TRPC4: variants seen among roughly 807,000 people sequenced by gnomAD.
The protein encoded by TRPC4 is transient receptor potential cation channel subfamily C member 4.
TRPC4 carries 49 observed loss-of-function variants against 99.4 expected under a neutral mutation model. That is an observed-to-expected ratio of 0.49 (90% CI 0.39 to 0.63). TRPC4 has a LOEUF of 0.63. Among genes scored for constraint, TRPC4 ranks in the 20% least tolerant of loss-of-function variants. TRPC4 has a pLI of 0.00. For synonymous variants in TRPC4, 454 were observed against 425.9 expected (o/e 1.07, Z -0.81); for missense variants, 898 against 1,152.9 (o/e 0.78, Z 3.20).
chr13:37,803,444 A>G (rs1189154158), intron 1 of TRPC4, among the ~76,000 whole-genome samples: 3 of 152,098 alleles, frequency 2.0e-5, no homozygotes, highest in Non-Finnish European at 4.4e-5. Context: ...GCACACACAC[A>G]TCCTTACACA....
rs751765540 is a variant in TRPC4, at chr13:37,637,353, C to A, written c.2484G>T (p.Pro828=). ...SNGSALVVQE[P]PREKQRKVNF... is the part of the protein sequence containing the mutation. ...TCACTTTTCTCTGCTTCTCCCTGGG[C>A]GGCTCCTGAACCACCAGGGCAGAGC... The change falls in exon 11 of 11, where the codon CCG becomes CCT. Residue 828 remains proline, a synonymous_variant. Transcript: ENST00000379705. 1.9e-6 allele frequency: 3 copies of A among 1,613,600 alleles called. No homozygotes were observed. The highest frequency in any genetic ancestry group is 2.5e-6 in the Non-Finnish European group (3 of 1,179,862).
chr13:37,862,190 G>A (rs560617675), intron 1 of TRPC4, among the ~76,000 whole-genome samples: 1 of 151,424 alleles, frequency 6.6e-6, no homozygotes, highest in African/African-American at 2.4e-5. Flanking sequence ...TAGAGAAAGG[G>A]GTAGGGTGGT....
chr13:37,812,468 T>C (rs915410603), intron 1 of TRPC4, among the ~76,000 whole-genome samples: 1 of 152,046 alleles, frequency 6.6e-6, no homozygotes. Flanking sequence ...TTATTAATGA[T>C]AACTACAGTA....
At chr13:37,656,934 C>T (rs896903117) in intron 6 of TRPC4, among the ~76,000 whole-genome samples, 1 of 152,136 alleles carries the variant, frequency 6.6e-6, no homozygotes, top group African/African-American at 2.4e-5. Flanking sequence ...AAAGATAAAC[C>T]CTTACTCAGA....
intron 2 of TRPC4, among the ~76,000 whole-genome samples, chr13:37,779,233 G>A (rs957714823): frequency 6.6e-6 from 1 of 151,944 alleles, no homozygotes; most frequent in African/African-American, 2.4e-5. Flanking sequence ...CCAATCAATG[G>A]ACTGAAATGA....
intron 3 of TRPC4, among the ~76,000 whole-genome samples, chr13:37,723,242 C>T (rs941029070): frequency 5.3e-5 from 8 of 151,974 alleles, no homozygotes; most frequent in African/African-American, 9.7e-5. Context: ...AAATGTTGTA[C>T]GCCCAGACAA....
At chr13:37,738,705 T>C (rs1034325119) in intron 3 of TRPC4, among the ~76,000 whole-genome samples, 1 of 152,162 alleles carries the variant, frequency 6.6e-6, no homozygotes, top group African/African-American at 2.4e-5. Flanking sequence ...AGATGCCTGA[T>C]ATAAAGGCCT....
intron 8 of TRPC4, among the ~76,000 whole-genome samples, chr13:37,646,679 G>A (rs1446076524): frequency 6.6e-6 from 1 of 152,224 alleles, no homozygotes; most frequent in Non-Finnish European, 1.5e-5. Flanking sequence ...GGAAATGCTT[G>A]TTAAAATGGA....
At chr13:37,759,136 A>G (rs1402041380) in intron 2 of TRPC4, among the ~76,000 whole-genome samples, 1 of 151,786 alleles carries the variant, frequency 6.6e-6, no homozygotes, top group Non-Finnish European at 1.5e-5. Context: ...TTGATTATGT[A>G]TTTAAAGTTT....
Position 37,869,749 on chromosome 13 carries a change from A to C in TRPC4, c.-182T>G, listed in dbSNP as rs1255886442. ...TTCCAAGGAAAACGATCGAAGCTGG[A>C]GCCCACGCAGCTGGCACCGAACTGG... On this transcript the variant is annotated 5_prime_UTR_variant, in exon 1 of 11. Coordinates refer to ENST00000379705, the MANE Select transcript of TRPC4 (RefSeq NM_016179.4). The C allele has an allele frequency of 6.6e-6, 1 of 151,780 alleles. No homozygotes were observed. Among genetic ancestry groups the C allele is most frequent in the African/African-American group, 2.4e-5 (1 of 41,364 alleles). The allele number at this position is 151,780 out of a possible 1,614,324, so 9.4% of individuals were successfully genotyped here.
chr13:37,836,322 C>G (rs1958564155), intron 1 of TRPC4, among the ~76,000 whole-genome samples: 1 of 152,036 alleles, frequency 6.6e-6, no homozygotes, highest in Admixed American at 6.6e-5. Context: ...AATGTGGAAG[C>G]AACTTTGGAA....
chr13:37,782,885 A>G, intron 2 of TRPC4, 71 bp downstream of exon 2: 8 of 1,205,238 alleles, frequency 6.6e-6, no homozygotes, highest in South Asian at 4.3e-5. Context: ...AAAAAAAAAA[A>G]AAGAAAGAAA....
At chr13:37,786,370 T>C (rs1054239536) in intron 1 of TRPC4, among the ~76,000 whole-genome samples, 1 of 150,802 alleles carries the variant, frequency 6.6e-6, no homozygotes, top group African/African-American at 2.4e-5. Context: ...ACAACTTTGA[T>C]GGCTAAAACC....
intron 3 of TRPC4, among the ~76,000 whole-genome samples, chr13:37,699,931 G>C (rs1435786542): frequency 7.1e-6 from 1 of 139,960 alleles, no homozygotes; most frequent in Non-Finnish European, 1.5e-5. Flanking sequence ...CTGAAAATGA[G>C]AAAGGCAAAG....
chr13:37,808,018 C>T (rs1180346382), intron 1 of TRPC4, among the ~76,000 whole-genome samples: 1 of 152,036 alleles, frequency 6.6e-6, no homozygotes, highest in Non-Finnish European at 1.5e-5. Flanking sequence ...CCTTGTTCCT[C>T]TCACATTTAT....
chr13:37,815,969 A>G (rs1286680430), intron 1 of TRPC4, among the ~76,000 whole-genome samples: 1 of 151,958 alleles, frequency 6.6e-6, no homozygotes, highest in Non-Finnish European at 1.5e-5. Context: ...AAATCATACA[A>G]TTACATACAA....
chr13:37,793,004 T>C (rs1450852945), intron 1 of TRPC4, among the ~76,000 whole-genome samples: 2 of 152,044 alleles, frequency 1.3e-5, no homozygotes, highest in African/African-American at 4.8e-5. Flanking sequence ...GAGAAGTAAT[T>C]AGACACAAAC....
At chr13:37,640,377 C>T (rs1266437683) in intron 8 of TRPC4, among the ~76,000 whole-genome samples, 1 of 152,002 alleles carries the variant, frequency 6.6e-6, no homozygotes, top group Non-Finnish European at 1.5e-5. Context: ...AAAAGAAACT[C>T]TTTTCTTCTC....
At chr13:37,691,878 A>G in intron 4 of TRPC4, 121 bp downstream of exon 4, 1 of 974,596 alleles carries the variant, frequency 1.0e-6, no homozygotes, top group Non-Finnish European at 1.5e-6. Context: ...TCTTGGAGCT[A>G]CAATAGTCAG....
Sources: gnomAD v4.1 joint callset for allele counts (sites outside exome capture counted in the v4.1 genomes callset) on GRCh38, gnomAD v4.1.1 for gene constraint, MANE v1.5 for transcripts, NCBI Gene and HGNC (gene_info 2026-07-23, HGNC 2026-07-21) for gene names.